LSAMP: variants seen among roughly 807,000 people sequenced by gnomAD.
LSAMP encodes limbic system associated membrane protein, also known as limbic system-associated membrane protein.
Under a neutral mutation model 38.6 loss-of-function variants are expected in LSAMP, and 7 were observed. That is an observed-to-expected ratio of 0.18 (90% CI 0.10 to 0.34). The LOEUF (loss-of-function observed/expected upper bound fraction) is 0.34, where lower values mean the gene tolerates loss of function less well. Among genes scored for constraint, LSAMP ranks in the 10% least tolerant of loss-of-function variants. LSAMP has a pLI of 1.00. For missense variants in LSAMP, 313 were observed against 420.0 expected (o/e 0.75, Z 2.23); for synonymous variants, 154 against 166.8 (o/e 0.92, Z 0.59).
chr3:116,270,949 C>T (rs1323975765), intron 1 of LSAMP, among the ~76,000 whole-genome samples: 1 of 152,038 alleles, frequency 6.6e-6, no homozygotes, highest in Non-Finnish European at 1.5e-5. Context: ...ATTTCAATTA[C>T]TTCGTATGTA....
intron 2 of LSAMP, among the ~76,000 whole-genome samples, chr3:116,024,256 T>G (rs145417660): frequency 6.6e-6 from 1 of 152,226 alleles, no homozygotes; most frequent in Non-Finnish European, 1.5e-5. Context: ...CAGAGCATGG[T>G]GCTTAGAACA....
At chr3:115,814,362 T>A (rs1933939256) in intron 6 of LSAMP, 1 of 152,174 alleles carries the variant, frequency 6.6e-6, no homozygotes, top group African/African-American at 2.4e-5. Flanking sequence ...AATTTGTGAT[T>A]AAGGGCAAGA....
intron 3 of LSAMP, among the ~76,000 whole-genome samples, chr3:115,875,202 C>T (rs1307882022): frequency 6.6e-6 from 1 of 152,056 alleles, no homozygotes; most frequent in African/African-American, 2.4e-5. Flanking sequence ...TTATCTTTTT[C>T]CTTTCCATCA....
chr3:115,874,060 T>C (rs551041428), intron 3 of LSAMP, among the ~76,000 whole-genome samples: 1 of 152,300 alleles, frequency 6.6e-6, no homozygotes, highest in South Asian at 2.1e-4. Flanking sequence ...TCTTGGAGCC[T>C]TTTCATAGTT....
intron 1 of LSAMP, among the ~76,000 whole-genome samples, chr3:116,231,103 C>T (rs529661595): frequency 3.3e-5 from 5 of 152,266 alleles, no homozygotes; most frequent in South Asian, 2.1e-4. Context: ...CAAACATGAA[C>T]GCCCATGTTT....
intron 1 of LSAMP, among the ~76,000 whole-genome samples, chr3:116,163,344 T>C (rs1305605942): frequency 5.4e-4 from 79 of 147,548 alleles, no homozygotes; most frequent in South Asian, 6.5e-4. Flanking sequence ...TTTGTTCTTG[T>C]GATAGTTTGC....
intron 2 of LSAMP, among the ~76,000 whole-genome samples, chr3:116,078,891 T>G (rs1484231516): frequency 7.2e-5 from 11 of 152,116 alleles, no homozygotes; most frequent in Non-Finnish European, 1.6e-4. Context: ...TTTTAGTGAA[T>G]AGTTATATTT....
chr3:115,906,069 G>A (rs540490860), intron 3 of LSAMP, among the ~76,000 whole-genome samples: 6 of 152,248 alleles, frequency 3.9e-5, no homozygotes, highest in African/African-American at 1.4e-4. Flanking sequence ...CTTATGGAAA[G>A]CAATTAGAGC....
intron 1 of LSAMP, among the ~76,000 whole-genome samples, chr3:116,310,162 C>T (rs556728710): frequency 1.3e-5 from 2 of 150,206 alleles, no homozygotes; most frequent in African/African-American, 2.5e-5. Context: ...CTCAATCTAT[C>T]TGGGAACAGA....
intron 1 of LSAMP, among the ~76,000 whole-genome samples, chr3:116,097,219 A>G (rs968651524): frequency 2.0e-5 from 3 of 152,102 alleles, no homozygotes; most frequent in Admixed American, 6.6e-5. Flanking sequence ...TTCTAGATGG[A>G]AAAAAAATAT....
rs550942403 is a variant in LSAMP at position 116,269,367 on chromosome 3, A to G, written c.155+175510T>C. ...CATATTATATACCCTGTTCACATTT[A>G]CAATCTGTCCTGCTTATGAAAGCAT... On this transcript the variant is annotated intron_variant, in intron 1 of 6. Coordinates refer to ENST00000490035, the MANE Select transcript of LSAMP (RefSeq NM_002338.5). Among the ~76,000 whole-genome samples, 14 of 152,268 alleles carry G rather than the reference A, an allele frequency of 9.2e-5. No homozygotes were observed. The South Asian group carries it at 2.3e-3, about 25-fold the overall frequency.
In LSAMP at chr3:116,206,070, A is replaced by T. The variant is rs563022767; in HGVS notation, c.156-119514T>A. On this transcript the variant is annotated intron_variant, in intron 1 of 6. Coordinates refer to ENST00000490035, the MANE Select transcript of LSAMP (RefSeq NM_002338.5). ...GGTTGGTAAACTATTGATTATTGCC[A>T]CAATTTCAGCTCCTGTTATTGGTCT... Among the ~76,000 whole-genome samples, 9 of 151,876 alleles carry T rather than the reference A, an allele frequency of 5.9e-5. No homozygotes were observed. In the East Asian group the frequency reaches 1.8e-3, roughly 30 times the overall value.
At chr3:116,369,884 G>A (rs2048407859) in intron 1 of LSAMP, 1 of 152,544 alleles carries the variant, frequency 6.6e-6, no homozygotes, top group Non-Finnish European at 1.5e-5. Context: ...CACATGATGA[G>A]GCAGCAAGAA....
intron 2 of LSAMP, among the ~76,000 whole-genome samples, chr3:116,069,164 G>A (rs529229774): frequency 5.9e-5 from 9 of 152,256 alleles, no homozygotes; most frequent in Admixed American, 6.5e-5. Context: ...GGCCTGCAAG[G>A]TTCTGGGTAC....
intron 3 of LSAMP, among the ~76,000 whole-genome samples, chr3:115,910,030 CAA>C (rs1472046067): frequency 6.6e-6 from 1 of 152,102 alleles, no homozygotes; most frequent in African/African-American, 2.4e-5. Flanking sequence ...TCAATCATAA[CAA>C]TATTTTTCAG....
chr3:116,229,842 C>T, intron 1 of LSAMP, among the ~76,000 whole-genome samples: 1 of 151,982 alleles, frequency 6.6e-6, no homozygotes, highest in East Asian at 1.9e-4. Flanking sequence ...ACAGGGGGCA[C>T]AGTTATCTTT....
At chr3:115,818,821 T>TATATATATATATATATATATA (rs1172422801) in intron 6 of LSAMP, among the ~76,000 whole-genome samples, 1 of 124,220 alleles carries the variant, frequency 8.1e-6, no homozygotes, top group Non-Finnish European at 1.7e-5. Flanking sequence ...TATATATATA[T>TATATATATATATATATATATA]AACTGCAGCA....
At chr3:116,102,767 T>TTATCTATC (rs35080251) in intron 1 of LSAMP, among the ~76,000 whole-genome samples, 2,148 of 151,140 alleles carry the variant, frequency 0.014, 22 homozygotes, top group African/African-American at 0.024. Flanking sequence ...TTTTAAAATT[T>TTATCTATC]TATCTATCTA....
intron 2 of LSAMP, among the ~76,000 whole-genome samples, chr3:116,024,893 A>G (rs1940743639): frequency 6.6e-6 from 1 of 151,728 alleles, no homozygotes; most frequent in Non-Finnish European, 1.5e-5. Context: ...CTAATGAATA[A>G]TACAGCTAGA....
Sources: gnomAD v4.1 joint callset for allele counts (sites outside exome capture counted in the v4.1 genomes callset) on GRCh38, gnomAD v4.1.1 for gene constraint, MANE v1.5 for transcripts, NCBI Gene and HGNC (gene_info 2026-07-23, HGNC 2026-07-21) for gene names.